The following BCL7C variants were observed in gnomAD, a reference collection of about 807,000 sequenced individuals.
BCL7C encodes BAF chromatin remodeling complex subunit BCL7C.
BCL7C carries 8 observed loss-of-function variants against 26.2 expected under a neutral mutation model. The ratio of observed to expected loss-of-function variants is 0.30; its 90% CI spans 0.18 to 0.55. The LOEUF (loss-of-function observed/expected upper bound fraction) is 0.55. Among genes scored for constraint, BCL7C ranks in the 20% least tolerant of loss-of-function variants. The pLI is 0.93. For synonymous variants in BCL7C, 90 were observed against 116.5 expected (o/e 0.77, Z 1.47); for missense variants, 262 against 298.5 (o/e 0.88, Z 0.90).
At position 30,870,663 on chromosome 16, in the gene BCL7C, C is replaced by G. The variant is rs190886490; in HGVS notation, c.528+18197G>C. On this transcript the variant is annotated intron_variant, in intron 5 of 5. Coordinates refer to the BCL7C transcript ENST00000380317. ...GTGACAGAGCAAGATCTTGTCCCCC[C>G]ACCAAAAAATAAAATAAAATTAAAT... Among the ~76,000 whole-genome samples, 422 of 151,966 alleles carry G rather than the reference C, an allele frequency of 2.8e-3. 2 individuals are homozygous for G. The highest frequency in any genetic ancestry group is 8.9e-3 in the African/African-American group (367 of 41,456).
chr16:30,884,354 G>A (rs1478550788), downstream of BCL7C, among the ~76,000 whole-genome samples: 3 of 151,930 alleles, frequency 2.0e-5, no homozygotes, highest in African/African-American at 7.3e-5. Context: ...TTGTAACATG[G>A]GGCAATAGGA....
chr16:30,858,764 A>G (rs1192999904), intron 5 of BCL7C, among the ~76,000 whole-genome samples: 2 of 152,180 alleles, frequency 1.3e-5, no homozygotes, highest in Non-Finnish European at 2.9e-5. Flanking sequence ...CAACCAAACA[A>G]CAGGAGCCCC....
At chr16:30,844,348 CAAAAAAAAAAAA>C (rs55663737) in intron 5 of BCL7C, among the ~76,000 whole-genome samples, 1 of 73,406 alleles carries the variant, frequency 1.4e-5, no homozygotes, top group Non-Finnish European at 2.3e-5. Context: ...GACTCCGTCT[CAAAAAAAAAAAA>C]AAAAAAAAAA....
At chr16:30,880,134 CTT>C (rs935552493) in intron 5 of BCL7C, among the ~76,000 whole-genome samples, 2 of 151,854 alleles carry the variant, frequency 1.3e-5, no homozygotes, top group Admixed American at 6.6e-5. Flanking sequence ...AAAAAAAACA[CTT>C]TACCCAGTTA....
At chr16:30,857,728 T>C (rs2054735123) in intron 5 of BCL7C, among the ~76,000 whole-genome samples, 1 of 151,912 alleles carries the variant, frequency 6.6e-6, no homozygotes, top group South Asian at 2.1e-4. Flanking sequence ...CCCAGCACTT[T>C]GGGAGGCCAA....
chr16:30,871,320 C>G (rs534284249), intron 5 of BCL7C, among the ~76,000 whole-genome samples: 2 of 152,288 alleles, frequency 1.3e-5, no homozygotes, highest in South Asian at 4.1e-4. Flanking sequence ...GATACGGATT[C>G]AGATCTGCCT....
chr16:30,884,492 GTT>G (rs71149066), downstream of BCL7C, among the ~76,000 whole-genome samples: 4 of 98,252 alleles, frequency 4.1e-5, no homozygotes, highest in African/African-American at 1.2e-4. Flanking sequence ...ATCTCCATTT[GTT>G]TTTTTTTTTT....
rs747043146 is a variant in BCL7C, at chr16:30,835,057, C to T, written c.620G>A (p.Arg207Gln). Reference sequence around the variant, plus strand: ...CATGGAACTGGGCCGGACATTTGTCCGGAGGCCCCTCCTGGGCAGGAGCCT... The same window carrying T: ...CATGGAACTGGGCCGGACATTTGTCTGGAGGCCCCTCCTGGGCAGGAGCCT... The change falls in exon 6 of 6, where the codon CGG (arginine) becomes CAG (glutamine). Residue 207 changes from arginine (R) to glutamine (Q), a missense_variant. Transcript: ENST00000380317. 10 of 1,548,614 alleles carry T rather than the reference C, an allele frequency of 6.5e-6. No individual in the cohort carries two copies. In the South Asian group the frequency reaches 9.5e-5, roughly 15 times the overall value.
At chr16:30,842,676 CT>C (rs1469992307) in intron 5 of BCL7C, among the ~76,000 whole-genome samples, 1 of 152,220 alleles carries the variant, frequency 6.6e-6, no homozygotes, top group East Asian at 1.9e-4. Flanking sequence ...TCATGCCATT[CT>C]CCTGCCTCAG....
In BCL7C at chr16:30,887,839, G is replaced by A. The variant is rs1276506025; in HGVS notation, c.*26C>T. ...TGTAAAAAGCCAAAGGGGCCCCTGGGGCAACAGGACAGGCAGGCCGGCTTC... is the reference window on the plus strand; with the variant it reads ...TGTAAAAAGCCAAAGGGGCCCCTGGAGCAACAGGACAGGCAGGCCGGCTTC... On this transcript the variant is annotated 3_prime_UTR_variant, in exon 6 of 6. Transcript: ENST00000215115. 1 of 1,542,436 alleles carries A rather than the reference G, an allele frequency of 6.5e-7. No homozygotes were observed. The highest frequency in any genetic ancestry group is 8.7e-7 in the Non-Finnish European group (1 of 1,151,964).
rs752119523 is a variant in BCL7C at position 30,887,891 on chromosome 16, T to C, written c.628A>G (p.Ile210Val). Residue 210 changes from isoleucine (I) to valine (V), a missense_variant, in exon 6 of 6, where the codon ATC becomes GTC. By Grantham distance (29) the Ile-to-Val change is conservative (BLOSUM62 3). Coordinates refer to ENST00000215115, the MANE Select transcript of BCL7C (RefSeq NM_004765.4). ...DSEGAPPLKR[I>V]CPNAPDP The stretch of plus-strand genomic sequence containing the variant: ...CAGGGGTCAGGGGCATTTGGGCAGA[T>C]GCGCTTGAGTGGGGGGGCACCCTCC... 2 of 1,599,720 alleles carry C rather than the reference T, an allele frequency of 1.3e-6. No individual in the cohort carries two copies. The highest frequency in any genetic ancestry group is 1.7e-6 in the Non-Finnish European group (2 of 1,173,984).
intron 5 of BCL7C, among the ~76,000 whole-genome samples, chr16:30,874,900 C>G (rs11642603): frequency 0.068 from 10,364 of 152,258 alleles, 472 homozygotes; most frequent in Non-Finnish European, 0.11. Context: ...GGGTGGAGGC[C>G]CGGAGCAGAA....
At chr16:30,854,585 G>T (rs2054702923) in intron 5 of BCL7C, among the ~76,000 whole-genome samples, 1 of 152,074 alleles carries the variant, frequency 6.6e-6, no homozygotes, top group African/African-American at 2.4e-5. Flanking sequence ...GAATAGGGAA[G>T]TTTCATCCAT....
intron 5 of BCL7C, among the ~76,000 whole-genome samples, chr16:30,844,896 T>C (rs896032628): frequency 8.5e-5 from 13 of 152,208 alleles, no homozygotes; most frequent in African/African-American, 2.4e-4. Context: ...TGGTGGGACA[T>C]TGCAAGAAGA....
At chr16:30,861,087 T>C (rs1274105684) in intron 5 of BCL7C, among the ~76,000 whole-genome samples, 1 of 152,138 alleles carries the variant, frequency 6.6e-6, no homozygotes, top group Non-Finnish European at 1.5e-5. Flanking sequence ...CCAAATCAGT[T>C]AGCGTTTAGG....
At chr16:30,877,508 C>T (rs1162057988) in intron 5 of BCL7C, among the ~76,000 whole-genome samples, 11 of 150,892 alleles carry the variant, frequency 7.3e-5, no homozygotes, top group Admixed American at 7.3e-4. Flanking sequence ...GGCACTATCT[C>T]GGCTCACTGC....
At chr16:30,886,495 C>A (rs1402962901), downstream of BCL7C, among the ~76,000 whole-genome samples, 1 of 152,178 alleles carries the variant, frequency 6.6e-6, no homozygotes, top group East Asian at 1.9e-4. Context: ...GCCTGGAAAA[C>A]CCCAGCCCAT....
chr16:30,852,988 G>A (rs926203241), intron 5 of BCL7C, among the ~76,000 whole-genome samples: 48 of 151,766 alleles, frequency 3.2e-4, no homozygotes, highest in African/African-American at 1.1e-3. Context: ...AGGCTGGAGT[G>A]CAAATGGCAT....
intron 5 of BCL7C, among the ~76,000 whole-genome samples, chr16:30,843,079 C>T (rs1186366706): frequency 6.6e-6 from 1 of 152,236 alleles, no homozygotes; most frequent in East Asian, 1.9e-4. Flanking sequence ...AGCAACTGCC[C>T]ATGCGTTAGT....
Sources: gnomAD v4.1 joint callset for allele counts (sites outside exome capture counted in the v4.1 genomes callset) on GRCh38, gnomAD v4.1.1 for gene constraint, MANE v1.5 for transcripts, NCBI Gene and HGNC (gene_info 2026-07-23, HGNC 2026-07-21) for gene names.